PTPRK: variants seen among roughly 807,000 people sequenced by gnomAD.
PTPRK encodes receptor-type tyrosine-protein phosphatase kappa.
A neutral mutation model predicts 178.0 loss-of-function variants in PTPRK; 75 were observed. The ratio of observed to expected loss-of-function variants is 0.42; its 90% confidence interval spans 0.35 to 0.51. The LOEUF is 0.51. Ranked by LOEUF, PTPRK falls within the 20% of genes least tolerant of loss-of-function variation. The pLI is 0.02. For synonymous variants in PTPRK, 637 were observed against 620.6 expected, an observed-to-expected ratio of 1.03 and a Z score of -0.39; for missense variants, 1,441 against 1,797.8, an observed-to-expected ratio of 0.80 and a Z score of 3.59.
chr6:128,257,969 C>T (rs1156930921), intron 3 of PTPRK, among the ~76,000 whole-genome samples: 1 of 151,970 alleles, frequency 6.6e-6, no homozygotes, highest in Admixed American at 6.6e-5. Flanking sequence ...TGTAAATAGA[C>T]CTAAACTTTA....
intron 7 of PTPRK, among the ~76,000 whole-genome samples, chr6:128,157,446 T>C (rs1261330351): frequency 1.3e-5 from 2 of 151,992 alleles, no homozygotes; most frequent in Non-Finnish European, 2.9e-5. Flanking sequence ...CTATAAAGAA[T>C]AACATTTCTC....
In PTPRK at chr6:128,328,964, T is replaced by C. The variant is rs75719503; in HGVS notation, c.224-6654A>G. Reference sequence around the variant, plus strand: ...CAATCTGTTGTAGTATCATACATTATGTAACCTCTGGGAAATTCTTCTATT... The same window carrying C: ...CAATCTGTTGTAGTATCATACATTACGTAACCTCTGGGAAATTCTTCTATT... On this transcript the variant is annotated intron_variant, in intron 2 of 29. Coordinates refer to ENST00000368226, the MANE Select transcript of PTPRK (RefSeq NM_002844.4). Among the ~76,000 whole-genome samples, 1,075 of 152,254 alleles carry C rather than the reference T, an allele frequency of 7.1e-3. 12 individuals are homozygous for C. The highest frequency in any genetic ancestry group is 0.024 in the African/African-American group (995 of 41,554).
chr6:128,461,895 GCATTT>G (rs1171835886), intron 1 of PTPRK, among the ~76,000 whole-genome samples: 1 of 152,160 alleles, frequency 6.6e-6, no homozygotes, highest in Admixed American at 6.5e-5. Flanking sequence ...GTTTGTGATT[GCATTT>G]ATCAGTGCAT....
intron 3 of PTPRK, among the ~76,000 whole-genome samples, chr6:128,259,672 G>C (rs1033632576): frequency 2.0e-5 from 3 of 152,090 alleles, no homozygotes; most frequent in Admixed American, 6.6e-5. Context: ...AAAATTTCAA[G>C]TATGTTTTAG....
chr6:128,419,528 T>G (rs1346386716), intron 1 of PTPRK, among the ~76,000 whole-genome samples: 1 of 150,596 alleles, frequency 6.6e-6, no homozygotes, highest in Non-Finnish European at 1.5e-5. Flanking sequence ...AGAATGGCGT[T>G]AACCCGGGAG....
chr6:128,355,634 C>T (rs905264009), intron 2 of PTPRK, among the ~76,000 whole-genome samples: 6 of 151,952 alleles, frequency 3.9e-5, no homozygotes, highest in East Asian at 3.9e-4. Flanking sequence ...TTACACACAC[C>T]GGGGCCTGTT....
intron 6 of PTPRK, among the ~76,000 whole-genome samples, chr6:128,218,410 G>T (rs1414336415): frequency 1.3e-5 from 2 of 152,150 alleles, no homozygotes; most frequent in East Asian, 3.8e-4. Flanking sequence ...TAGTATCCAA[G>T]AATATTAGTG....
At chr6:127,984,041 G>T (rs1483338130) in intron 22 of PTPRK, among the ~76,000 whole-genome samples, 2 of 152,058 alleles carry the variant, frequency 1.3e-5, no homozygotes, top group Non-Finnish European at 2.9e-5. Context: ...CAAAAGGCTA[G>T]CCGCTATCTT....
At chr6:128,384,907 A>T (rs1447521894) in intron 2 of PTPRK, among the ~76,000 whole-genome samples, 2 of 151,694 alleles carry the variant, frequency 1.3e-5, no homozygotes, top group African/African-American at 2.4e-5. Context: ...ATTTCTGTTT[A>T]ATCTGAGGAA....
At chr6:128,358,038 A>C (rs1834184295) in intron 2 of PTPRK, among the ~76,000 whole-genome samples, 1 of 152,198 alleles carries the variant, frequency 6.6e-6, no homozygotes, top group Non-Finnish European at 1.5e-5. Flanking sequence ...TGACAATTTT[A>C]CTTCAGATCT....
intron 7 of PTPRK, among the ~76,000 whole-genome samples, chr6:128,111,996 T>C (rs368358283): frequency 4.4e-4 from 67 of 152,176 alleles, no homozygotes; most frequent in African/African-American, 1.6e-3. Flanking sequence ...GGGAGGGTGC[T>C]GAAAAAGGTT....
chr6:128,350,652 T>A (rs1017353162), intron 2 of PTPRK, among the ~76,000 whole-genome samples: 1 of 152,220 alleles, frequency 6.6e-6, no homozygotes, highest in Non-Finnish European at 1.5e-5. Context: ...AACGTAACAA[T>A]TGGTATTTCT....
chr6:128,250,791 C>A (rs2128289012), intron 3 of PTPRK, among the ~76,000 whole-genome samples: 1 of 152,274 alleles, frequency 6.6e-6, no homozygotes, highest in East Asian at 1.9e-4. Flanking sequence ...AGTTACTTTT[C>A]AAATGTGCAT....
At chr6:128,320,174 T>C (rs540649273) in intron 3 of PTPRK, among the ~76,000 whole-genome samples, 13 of 152,136 alleles carry the variant, frequency 8.5e-5, no homozygotes, top group East Asian at 1.9e-4. Flanking sequence ...CACAAGCACA[T>C]ATAACGAAGG....
chr6:128,210,090 T>C lies in PTPRK; in HGVS notation c.868+8832A>G, dbSNP rs532144280. On this transcript the variant is annotated intron_variant, in intron 6 of 29. Coordinates refer to ENST00000368226, the MANE Select transcript of PTPRK (RefSeq NM_002844.4). ...GGAGGGAGATCAATAAGTAGGTTTT[T>C]TATAGAAGTACACGAAAGAGAAGAT... 4.6e-5 allele frequency among the ~76,000 whole-genome samples: 7 copies of C among 152,204 alleles called. No homozygotes were observed. In the East Asian group the frequency reaches 9.7e-4, roughly 21 times the overall value.
chr6:128,316,943 C>T lies in PTPRK; in HGVS notation c.495+5096G>A, dbSNP rs540179226. ...ATAATAATATGAGGGCCTTTCCAAC[C>T]CATTTGGGGTACTCTGTTTGCAACA... On this transcript the variant is annotated intron_variant, in intron 3 of 29. Transcript: ENST00000368226. 3.8e-4 allele frequency among the ~76,000 whole-genome samples: 58 copies of T among 152,106 alleles called. 1 individual carries two copies. The highest frequency in any genetic ancestry group is 1.3e-3 in the African/African-American group (52 of 41,498).
rs184476939 is a variant in PTPRK, at chr6:128,264,124, G to A, written c.496-21522C>T. Among the ~76,000 whole-genome samples, 4 of 152,230 alleles carry A rather than the reference G, an allele frequency of 2.6e-5. No homozygotes were observed. In the East Asian group the frequency reaches 7.7e-4, roughly 29 times the overall value. ...AAAGAAGAAAAGCCAGAGGAAGATG[G>A]GGGGTCCTCCCCACATCTGATGTAG... On this transcript the variant is annotated intron_variant, in intron 3 of 29. Transcript: ENST00000368226.
intron 2 of PTPRK, among the ~76,000 whole-genome samples, chr6:128,388,237 C>T (rs1451261570): frequency 6.6e-6 from 1 of 152,100 alleles, no homozygotes; most frequent in African/African-American, 2.4e-5. Context: ...GAGGAGACAA[C>T]TAAGAACCTC....
chr6:128,314,644 T>C (rs1044009479), intron 3 of PTPRK, among the ~76,000 whole-genome samples: 3 of 152,098 alleles, frequency 2.0e-5, no homozygotes, highest in African/African-American at 7.3e-5. Flanking sequence ...TAAATCACAG[T>C]AGACTAGCTA....
Sources: allele counts gnomAD v4.1 joint callset (sites outside exome capture counted in the v4.1 genomes callset), GRCh38; gene constraint gnomAD v4.1.1; transcripts MANE v1.5; gene names NCBI Gene and HGNC (gene_info 2026-07-23, HGNC 2026-07-21).